The following KCNQ1 variants were observed in gnomAD, a reference collection of about 807,000 sequenced individuals.
KCNQ1 encodes potassium voltage-gated channel subfamily Q member 1.
In KCNQ1, 49 loss-of-function variants were observed where a neutral mutation model predicts 72.4. That is an observed-to-expected ratio of 0.68 (90% CI 0.54 to 0.86). KCNQ1 has a LOEUF of 0.86. Ranked by LOEUF, KCNQ1 falls within the 40% of genes least tolerant of loss-of-function variation. The pLI, the probability that KCNQ1 is intolerant of heterozygous loss-of-function variation, is 0.00. For missense variants in KCNQ1, 790 were observed against 945.1 expected, an observed-to-expected ratio of 0.84 and a Z score of 2.15; for synonymous variants, 450 against 412.6, an observed-to-expected ratio of 1.09 and a Z score of -1.10.
rs192883070 is a variant in KCNQ1, at chr11:2,470,805, C to T, written c.386+25321C>T. 6.1e-3 allele frequency among the ~76,000 whole-genome samples: 933 copies of T among 152,228 alleles called. 10 individuals carry two copies. The highest frequency in any genetic ancestry group is 0.021 in the African/African-American group (884 of 41,508). On this transcript the variant is annotated intron_variant, in intron 1 of 15. Coordinates refer to ENST00000155840, the MANE Select transcript of KCNQ1 (RefSeq NM_000218.3). ...TCCTCCCACCTCAGCCTCCCATTCT[C>T]TTAATAGTGCCCTTTTAGAGAGCAA...
In KCNQ1 at chr11:2,599,432, T is replaced by C. The variant is rs1848771303; in HGVS notation, c.1393+10578T>C. On this transcript the variant is annotated intron_variant, in intron 10 of 15. Coordinates refer to ENST00000155840, the MANE Select transcript of KCNQ1 (RefSeq NM_000218.3). This position sits in a 1 kb window ranked among gnomAD's most constrained non-coding sequence, Gnocchi z 4.7. ...TCTGCTTAATTTCCTTTGGTGTACATACTCTGTGATGTTCTCTATCGCTTA... is the reference window on the plus strand; with the variant it reads ...TCTGCTTAATTTCCTTTGGTGTACACACTCTGTGATGTTCTCTATCGCTTA... Among the ~76,000 whole-genome samples, 1 of 152,246 alleles carries C rather than the reference T, an allele frequency of 6.6e-6. No individual in the cohort carries two copies. The highest frequency in any genetic ancestry group is 6.5e-5 in the Admixed American group (1 of 15,286).
rs1180313745 is a variant in KCNQ1 at position 2,752,221 on chromosome 11, A to AT, written c.1515-16619dup. Among the ~76,000 whole-genome samples the AT allele has an allele frequency of 2.6e-5, 4 of 151,990 alleles. No homozygotes were observed. The highest frequency in any genetic ancestry group is 7.2e-5 in the African/African-American group (3 of 41,394). ...TTACTGAGTTGAGGTGACTGGGTTG[A>AT]TTTTAGCTTCACAGGTGATCTGAAC... On this transcript the variant is annotated intron_variant, in intron 11 of 15. Transcript: ENST00000155840. This position sits in a 1 kb window ranked among gnomAD's most constrained non-coding sequence, Gnocchi z 5.2.
intron 3 of KCNQ1, among the ~76,000 whole-genome samples, 171 bp from the exon 4 acceptor site, chr11:2,571,154 G>A (rs750600253): frequency 1.1e-4 from 17 of 152,290 alleles, no homozygotes; most frequent in African/African-American, 2.2e-4. Flanking sequence ...GGGTCTCTCC[G>A]TTTAGATGCT....
chr11:2,612,701 C>A lies in KCNQ1; in HGVS notation c.1393+23847C>A. Reference sequence around the variant, plus strand: ...TCTTTGAACATAGTTATAATACTTACTTTGAAATCGCGCCCTAACATTTGG... The same window carrying A: ...TCTTTGAACATAGTTATAATACTTAATTTGAAATCGCGCCCTAACATTTGG... On this transcript the variant is annotated intron_variant, in intron 10 of 15. Coordinates refer to ENST00000155840, the MANE Select transcript of KCNQ1 (RefSeq NM_000218.3). The surrounding 1 kb of genome is among the most constrained non-coding windows in gnomAD (Gnocchi z 5.5). 1.5e-5 allele frequency: 6 copies of A among 398,518 alleles called. No homozygotes were observed. Among genetic ancestry groups the A allele is most frequent in the Non-Finnish European group, 2.7e-5 (6 of 226,044 alleles). 24.7% of individuals were successfully genotyped at this position (398,518 alleles called of 1,614,324 possible).
At chr11:2,485,079 C>T (rs898782282) in intron 1 of KCNQ1, among the ~76,000 whole-genome samples, 1 of 152,164 alleles carries the variant, frequency 6.6e-6, no homozygotes, top group East Asian at 1.9e-4. Context: ...AGCCTCACTG[C>T]GTCCCATCAG....
intron 6 of KCNQ1, among the ~76,000 whole-genome samples, chr11:2,573,442 A>G (rs1326016718): frequency 6.6e-6 from 1 of 152,152 alleles, no homozygotes; most frequent in Non-Finnish European, 1.5e-5. Context: ...CCCTGTCCCC[A>G]AGGAGCCAGA....
At chr11:2,693,760 C>G (rs979218903) in intron 11 of KCNQ1, 1 of 398,584 alleles carries the variant, frequency 2.5e-6, no homozygotes, top group African/African-American at 2.1e-5. Flanking sequence ...CTGCCAGTAA[C>G]CTGGACATGC....
intron 13 of KCNQ1, 87 bp from the exon 14 acceptor site, chr11:2,776,899 A>T: frequency 3.0e-6 from 4 of 1,325,616 alleles, no homozygotes; most frequent in Admixed American, 3.5e-5. Context: ...CTTGCCGGGC[A>T]CGTCAAGCTG....
At position 2,652,947 on chromosome 11, in the gene KCNQ1, A is replaced by G. The variant is rs1373499842; in HGVS notation, c.1394-9014A>G. 1 of 398,494 alleles carries G rather than the reference A, an allele frequency of 2.5e-6. No homozygotes were observed. Among genetic ancestry groups the G allele is most frequent in the African/African-American group, 2.1e-5 (1 of 48,610 alleles). 24.7% of individuals were successfully genotyped at this position (398,494 alleles called of 1,614,324 possible). A position where few individuals can be genotyped will look rare whatever the true frequency, so the allele number is the denominator to read the frequency against. On this transcript the variant is annotated intron_variant, in intron 10 of 15. Transcript: ENST00000155840. The surrounding 1 kb of genome is among the most constrained non-coding windows in gnomAD (Gnocchi z 5.9). ...TGGAAAGCCCAGCATCCTCCCTGGG[A>G]CTTCTCAGGATTCCGGAAGTCATCT...
At chr11:2,586,073 G>C (rs144873142) in intron 8 of KCNQ1, among the ~76,000 whole-genome samples, 1 of 152,220 alleles carries the variant, frequency 6.6e-6, no homozygotes, top group African/African-American at 2.4e-5. Context: ...CAGCCGCTGA[G>C]GTGCCCAGAG....
rs1847266416 is a variant in KCNQ1 at position 2,515,070 on chromosome 11, T to C, written c.387-12858T>C. ...TTTTAGATTTGAGGAGTACACATAC[T>C]TGTCTGTTACGTGCGTAATGGTGGG... On this transcript the variant is annotated intron_variant, in intron 1 of 15. Transcript: ENST00000155840. The surrounding 1 kb of genome is among the most constrained non-coding windows in gnomAD (Gnocchi z 4.7). 6.6e-6 allele frequency among the ~76,000 whole-genome samples: 1 copy of C among 152,192 alleles called. No individual in the cohort carries two copies. The highest frequency in any genetic ancestry group is 2.4e-5 in the African/African-American group (1 of 41,442).
At chr11:2,640,814 C>A in intron 10 of KCNQ1, 1 of 398,798 alleles carries the variant, frequency 2.5e-6, no homozygotes, top group Non-Finnish European at 4.4e-6. Context: ...CACTAACCAA[C>A]CTCTCTTCAC....
intron 10 of KCNQ1, chr11:2,643,415 C>T (rs989256594): frequency 1.3e-5 from 5 of 398,122 alleles, no homozygotes; most frequent in Admixed American, 8.8e-5. Flanking sequence ...ATAATGACTT[C>T]GTCTCTTTTT....
At chr11:2,522,394 T>TG (rs1164982653) in intron 1 of KCNQ1, among the ~76,000 whole-genome samples, 8 of 151,718 alleles carry the variant, frequency 5.3e-5, no homozygotes, top group Non-Finnish European at 7.4e-5. Flanking sequence ...CTCTGCAGAG[T>TG]GGGGGGCTGT....
chr11:2,471,792 G>A lies in KCNQ1; in HGVS notation c.386+26308G>A, dbSNP rs1589898792. On this transcript the variant is annotated intron_variant, in intron 1 of 15. Transcript: ENST00000155840. The surrounding 1 kb of genome is among the most constrained non-coding windows in gnomAD (Gnocchi z 4.8). Reference sequence around the variant, plus strand: ...GGTGTGTGCATGTGATTGGGTGTGTGCATGTGTATATAGGTGTGTGTGCAC... The same window carrying A: ...GGTGTGTGCATGTGATTGGGTGTGTACATGTGTATATAGGTGTGTGTGCAC... 2.0e-5 allele frequency among the ~76,000 whole-genome samples: 3 copies of A among 151,318 alleles called. No homozygotes were observed. In the South Asian group the frequency reaches 6.3e-4, roughly 32 times the overall value.
In KCNQ1 at chr11:2,603,158, A is replaced by C. The variant is rs1383804527; in HGVS notation, c.1393+14304A>C. On this transcript the variant is annotated intron_variant, in intron 10 of 15. Coordinates refer to ENST00000155840, the MANE Select transcript of KCNQ1 (RefSeq NM_000218.3). The surrounding 1 kb of genome is among the most constrained non-coding windows in gnomAD (Gnocchi z 4.1). ...ACACTGCAATGAAGCAAATATTGCA[A>C]TAAAGCAAGTCACACAAATTTTTTG... Among the ~76,000 whole-genome samples the C allele has an allele frequency of 6.6e-6, 1 of 152,238 alleles. No individual in the cohort carries two copies. The highest frequency in any genetic ancestry group is 1.5e-5 in the Non-Finnish European group (1 of 68,044).
chr11:2,587,374 G>A (rs1848606271), intron 8 of KCNQ1, among the ~76,000 whole-genome samples, 196 bp from the exon 9 acceptor site: 1 of 152,212 alleles, frequency 6.6e-6, no homozygotes, highest in Admixed American at 6.5e-5. Context: ...GGTGCAGCAA[G>A]GGACCAAGCC....
At position 2,816,104 on chromosome 11, in the gene KCNQ1, TA is replaced by T. The variant is rs1422028406; in HGVS notation, c.1795-31662del. On this transcript the variant is annotated intron_variant, in intron 15 of 15. Coordinates refer to ENST00000155840, the MANE Select transcript of KCNQ1 (RefSeq NM_000218.3). The surrounding 1 kb of genome is among the most constrained non-coding windows in gnomAD (Gnocchi z 6.8). ...AAGAAGTCCCTGAGGAAGAGGACAG[TA>T]GCCAGGGGCAAGACCTCACACGCCT... Among the ~76,000 whole-genome samples the T allele has an allele frequency of 1.3e-5, 2 of 152,128 alleles. No homozygotes were observed. Among genetic ancestry groups the T allele is most frequent in the African/African-American group, 4.8e-5 (2 of 41,410 alleles).
At chr11:2,522,540 C>T (rs1344826731) in intron 1 of KCNQ1, among the ~76,000 whole-genome samples, 1 of 152,226 alleles carries the variant, frequency 6.6e-6, no homozygotes, top group African/African-American at 2.4e-5. Context: ...TTCCCAGCTC[C>T]GCCCGAGACA....
Sources: allele counts gnomAD v4.1 joint callset (sites outside exome capture counted in the v4.1 genomes callset), GRCh38; gene constraint gnomAD v4.1.1; non-coding constraint Gnocchi (gnomAD v3.1); transcripts MANE v1.5; gene names NCBI Gene and HGNC (gene_info 2026-07-23, HGNC 2026-07-21).